The following CCDC6 variants were observed in gnomAD, a reference collection of about 807,000 sequenced individuals.
CCDC6 encodes the protein coiled-coil domain-containing protein 6.
In CCDC6, 20 loss-of-function variants were observed where a neutral mutation model predicts 56.6. The observed-to-expected ratio is 0.35, with a 90% CI of 0.25 to 0.51. The LOEUF (loss-of-function observed/expected upper bound fraction) is 0.51, where lower values mean the gene tolerates loss of function less well. CCDC6 is among the 20% of genes least tolerant of loss of function. The pLI is 0.95. For missense variants in CCDC6, 367 were observed against 601.1 expected, an observed-to-expected ratio of 0.61 and a Z score of 4.07; for synonymous variants, 241 against 234.4, an observed-to-expected ratio of 1.03 and a Z score of -0.26.
chr10:59,903,222 G>A (rs1183264345), intron 1 of CCDC6, among the ~76,000 whole-genome samples: 1 of 152,150 alleles, frequency 6.6e-6, no homozygotes, highest in Non-Finnish European at 1.5e-5. Flanking sequence ...TACTATAATG[G>A]TGGACACATG....
At chr10:59,905,796 C>T (rs1015817231) in intron 1 of CCDC6, among the ~76,000 whole-genome samples, 3 of 152,312 alleles carry the variant, frequency 2.0e-5, no homozygotes, top group African/African-American at 7.2e-5. Flanking sequence ...AAAAGTCCTA[C>T]CCCGCCCCCC....
At chr10:59,892,690 T>C in intron 1 of CCDC6, among the ~76,000 whole-genome samples, 1 of 23,916 alleles carries the variant, frequency 4.2e-5, no homozygotes, top group Non-Finnish European at 9.7e-5. Context: ...CCCCAAAACT[T>C]TCCTGTGTGT....
intron 3 of CCDC6, among the ~76,000 whole-genome samples, chr10:59,821,789 G>T (rs545681826): frequency 1.4e-4 from 18 of 131,198 alleles, no homozygotes; most frequent in African/African-American, 4.2e-4. Context: ...GGAGAAATAC[G>T]CAAAAAAAAT....
chr10:59,897,195 C>G (rs2071470126), intron 1 of CCDC6, among the ~76,000 whole-genome samples: 2 of 151,998 alleles, frequency 1.3e-5, no homozygotes, highest in South Asian at 4.1e-4. Context: ...AAGAACTCCA[C>G]CCCACAAAAA....
intron 2 of CCDC6, among the ~76,000 whole-genome samples, chr10:59,836,506 C>T (rs1021429252): frequency 2.0e-5 from 3 of 152,090 alleles, no homozygotes; most frequent in Non-Finnish European, 2.9e-5. Flanking sequence ...TTTAAATCTT[C>T]CAATAAAGTC....
intron 3 of CCDC6, among the ~76,000 whole-genome samples, chr10:59,825,149 C>T (rs913893382): frequency 6.1e-4 from 93 of 152,202 alleles, no homozygotes; most frequent in African/African-American, 2.0e-3. Context: ...TATGGTTTAG[C>T]TCTGTGTCCC....
intron 7 of CCDC6, among the ~76,000 whole-genome samples, chr10:59,798,402 C>T (rs56330865): frequency 0.38 from 57,693 of 152,046 alleles, 11,043 homozygotes; most frequent in South Asian, 0.44. Flanking sequence ...TTTCTGTGCC[C>T]TCAGCATCTA....
chr10:59,902,398 T>C, intron 1 of CCDC6, among the ~76,000 whole-genome samples: 1 of 145,772 alleles, frequency 6.9e-6, no homozygotes, highest in Non-Finnish European at 1.5e-5. Context: ...CTTTTTTTTT[T>C]TTTTTTTTTT....
chr10:59,843,795 C>T (rs1208382464), intron 2 of CCDC6, among the ~76,000 whole-genome samples: 1 of 152,162 alleles, frequency 6.6e-6, no homozygotes, highest in Non-Finnish European at 1.5e-5. Context: ...TCTCATTTAC[C>T]CAGCTGATGC....
rs768351152 is a variant in CCDC6 at position 59,791,312 on chromosome 10, T to C, written c.*1605A>G. 6.5e-5 allele frequency: 13 copies of C among 201,492 alleles called. No individual in the cohort carries two copies. Among genetic ancestry groups the C allele is most frequent in the Non-Finnish European group, 1.2e-4 (12 of 97,906 alleles). The allele number at this position is 201,492 out of a possible 1,614,324, so 12.5% of individuals were successfully genotyped here. A position where few individuals can be genotyped will look rare whatever the true frequency, so the allele number is the denominator to read the frequency against. ...GGTGAAAAAATCTTATTGTTGCTTT[T>C]ACTCTCAAGTTCTTAAAACGCTAGT... is the stretch of plus-strand genomic sequence containing the variant. On this transcript the variant is annotated 3_prime_UTR_variant, in exon 9 of 9. Transcript: ENST00000263102.
intron 3 of CCDC6, 70 bp downstream of exon 3, chr10:59,832,455 A>T: frequency 6.9e-7 from 1 of 1,450,376 alleles, no homozygotes; most frequent in African/African-American, 1.4e-5. Flanking sequence ...TCCTCCAGGC[A>T]TCTTAAAGCT....
chr10:59,835,775 C>T (rs550970437), intron 2 of CCDC6, among the ~76,000 whole-genome samples: 20 of 152,248 alleles, frequency 1.3e-4, no homozygotes, highest in East Asian at 7.7e-4. Flanking sequence ...AAGAGAAACA[C>T]GGCCAGGCAC....
At chr10:59,843,049 G>A (rs1035270744) in intron 2 of CCDC6, among the ~76,000 whole-genome samples, 8 of 152,074 alleles carry the variant, frequency 5.3e-5, no homozygotes, top group East Asian at 3.9e-4. Flanking sequence ...CACCACACCC[G>A]GCCTTTTTTT....
chr10:59,882,498 G>C (rs370696810), intron 1 of CCDC6, among the ~76,000 whole-genome samples: 1 of 31,226 alleles, frequency 3.2e-5, no homozygotes, highest in Non-Finnish European at 7.3e-5. Flanking sequence ...AGGAAAGCCG[G>C]GGGGAGAAGG....
At chr10:59,804,608 A>G in intron 6 of CCDC6, 88 bp from the exon 7 acceptor site, 1 of 762,458 alleles carries the variant, frequency 1.3e-6, no homozygotes, top group Admixed American at 2.0e-5. Context: ...TGGGGTTCAC[A>G]CCTTGAGGTC....
rs1378824791 is a variant in CCDC6, at chr10:59,790,507, T to C, written c.*2410A>G. ...TAGTAGTAAGACAATTGCCAAGAAA[T>C]TGTCCTAGCAGGTACTACCCAAGTG... is the stretch of plus-strand genomic sequence containing the variant. On this transcript the variant is annotated 3_prime_UTR_variant, in exon 9 of 9. Transcript: ENST00000263102. 1 of 219,346 alleles carries C rather than the reference T, an allele frequency of 4.6e-6. No individual in the cohort carries two copies. Among genetic ancestry groups the C allele is most frequent in the Non-Finnish European group, 9.1e-6 (1 of 109,314 alleles). The allele number at this position is 219,346 out of a possible 1,614,324, so 13.6% of individuals were successfully genotyped here.
intron 7 of CCDC6, among the ~76,000 whole-genome samples, chr10:59,801,974 C>A (rs2070580184): frequency 6.6e-6 from 1 of 152,128 alleles, no homozygotes; most frequent in Non-Finnish European, 1.5e-5. Flanking sequence ...AGCTCTAGTT[C>A]TTTTAACTGG....
chr10:59,815,600 G>A (rs1463155436), intron 3 of CCDC6, among the ~76,000 whole-genome samples: 1 of 152,180 alleles, frequency 6.6e-6, no homozygotes, highest in African/African-American at 2.4e-5. Context: ...GGGCTGGTAA[G>A]AGAGACTGAA....
At chr10:59,894,590 C>A (rs1056548000) in intron 1 of CCDC6, among the ~76,000 whole-genome samples, 4 of 152,170 alleles carry the variant, frequency 2.6e-5, no homozygotes, top group African/African-American at 4.8e-5. Flanking sequence ...AATAAAAAAA[C>A]CCACTTGTAC....
Sources: allele counts gnomAD v4.1 joint callset (sites outside exome capture counted in the v4.1 genomes callset), GRCh38; gene constraint gnomAD v4.1.1; transcripts MANE v1.5; gene names NCBI Gene and HGNC (gene_info 2026-07-23, HGNC 2026-07-21).